Variants in SYPL1 observed in about 807,000 individuals in gnomAD.
SYPL1 encodes synaptophysin-like protein 1.
Under a neutral mutation model 23.7 loss-of-function variants are expected in SYPL1, and 6 were observed. The ratio of observed to expected loss-of-function variants is 0.25; its 90% confidence interval spans 0.14 to 0.50. SYPL1 has a LOEUF of 0.50. Among genes scored for constraint, SYPL1 ranks in the 20% least tolerant of loss-of-function variants. The pLI, the probability that SYPL1 is intolerant of heterozygous loss-of-function variation, is 0.98. For missense variants in SYPL1, 253 were observed against 288.9 expected, an observed-to-expected ratio of 0.88 and a Z score of 0.90; for synonymous variants, 102 against 104.5, an observed-to-expected ratio of 0.98 and a Z score of 0.15.
At chr7:106,094,086 G>A (rs747241338) in intron 3 of SYPL1, among the ~76,000 whole-genome samples, 2 of 152,130 alleles carry the variant, frequency 1.3e-5, no homozygotes, top group African/African-American at 2.4e-5. Context: ...CTAAACATAT[G>A]CGTACACTCA....
At chr7:106,093,243 G>GA in intron 3 of SYPL1, 106 bp from the exon 4 acceptor site, 2 of 1,064,628 alleles carry the variant, frequency 1.9e-6, no homozygotes, top group Non-Finnish European at 2.6e-6. Context: ...ATGGTGCTGA[G>GA]AAATGGCCTT....
At chr7:106,098,347 G>A (rs1158889739) in intron 2 of SYPL1, among the ~76,000 whole-genome samples, 11 of 152,218 alleles carry the variant, frequency 7.2e-5, no homozygotes, top group Middle Eastern at 6.8e-3. Context: ...ACCATAAATT[G>A]TAAAAAACTT....
At chr7:106,110,782 A>T (rs942852811) in intron 1 of SYPL1, among the ~76,000 whole-genome samples, 3 of 152,218 alleles carry the variant, frequency 2.0e-5, no homozygotes, top group Admixed American at 1.3e-4. Flanking sequence ...AAATATAAGC[A>T]CAGATATAAA....
intron 4 of SYPL1, among the ~76,000 whole-genome samples, chr7:106,092,171 A>G (rs953089698): frequency 6.6e-6 from 1 of 152,222 alleles, no homozygotes; most frequent in African/African-American, 2.4e-5. Context: ...AATCTCTAAC[A>G]TATAAAATCA....
chr7:106,101,517 G>A (rs1840320995), intron 1 of SYPL1, among the ~76,000 whole-genome samples: 1 of 133,352 alleles, frequency 7.5e-6, no homozygotes, highest in Non-Finnish European at 1.6e-5. Context: ...AAGAGTCTGA[G>A]GTAATGTCCA....
chr7:106,091,617 G>T lies in SYPL1; in HGVS notation c.*188C>A. The stretch of plus-strand genomic sequence containing the variant: ...CCCCTGAACTTTCAAATTTACATGT[G>T]AGAATACATTTACATCTTAACTTTC... On this transcript the variant is annotated 3_prime_UTR_variant, in exon 5 of 5. Coordinates refer to ENST00000455385, the MANE Select transcript of SYPL1 (RefSeq NM_182715.4). This position sits in a 1 kb window ranked among gnomAD's most constrained non-coding sequence, Gnocchi z 5.0. The T allele has an allele frequency of 1.9e-6, 1 of 521,352 alleles. No individual in the cohort carries two copies. Among genetic ancestry groups the T allele is most frequent in the Non-Finnish European group, 3.1e-6 (1 of 318,168 alleles). The allele number at this position is 521,352 out of a possible 1,614,324, so 32.3% of individuals were successfully genotyped here.
rs1840488787 is a variant in SYPL1 at position 106,104,453 on chromosome 7, C to A, written c.70-5171G>T. On this transcript the variant is annotated intron_variant, in intron 1 of 4. Transcript: ENST00000455385. This position sits in a 1 kb window ranked among gnomAD's most constrained non-coding sequence, Gnocchi z 4.1. ...TAACAAGTAGCAAATAAATGGCATA[C>A]TGCACTACAGCTTGTTGCTTTCAAG... Among the ~76,000 whole-genome samples, 1 of 152,140 alleles carries A rather than the reference C, an allele frequency of 6.6e-6. No individual in the cohort carries two copies. Among genetic ancestry groups the A allele is most frequent in the Admixed American group, 6.6e-5 (1 of 15,264 alleles).
chr7:106,108,574 C>T (rs561875838), intron 1 of SYPL1, among the ~76,000 whole-genome samples: 12 of 152,256 alleles, frequency 7.9e-5, no homozygotes, highest in African/African-American at 2.6e-4. Flanking sequence ...TACACGTTAT[C>T]ACAAATCCAG....
At position 106,097,710 on chromosome 7, in the gene SYPL1, T is replaced by C; in HGVS notation, c.382A>G (p.Ser128Gly). 1 of 1,612,762 alleles carries C rather than the reference T, an allele frequency of 6.2e-7. No individual in the cohort carries two copies. Among genetic ancestry groups the C allele is most frequent in the Non-Finnish European group, 8.5e-7 (1 of 1,179,160 alleles). The change falls in exon 3 of 5, where the codon AGT becomes GGT. Residue 128 changes from serine to glycine, a missense_variant. Coordinates refer to ENST00000455385, the MANE Select transcript of SYPL1 (RefSeq NM_182715.4). The surrounding 1 kb of genome is among the most constrained non-coding windows in gnomAD (Gnocchi z 4.6). ...CTTACTATCATAGGAAGTTTACGAC[T>C]ATCCAGATACAGACTCGTGTAGCCA... is the stretch of plus-strand genomic sequence containing the variant. ...YVGYTSLYLD[S>G]RKLPMIDFVV... is the part of the protein sequence containing the mutation.
In SYPL1 at chr7:106,097,679, T is replaced by C; in HGVS notation, c.402+11A>G. The C allele has an allele frequency of 6.3e-7, 1 of 1,586,714 alleles. No homozygotes were observed. Among genetic ancestry groups the C allele is most frequent in the Admixed American group, 1.8e-5 (1 of 55,708 alleles). ...TTATTTTTGTATTTAAAAAATAAAG[T>C]GATTACTTACTATCATAGGAAGTTT... On this transcript the variant is annotated intron_variant, in intron 3 of 4. Transcript: ENST00000455385. The surrounding 1 kb of genome is among the most constrained non-coding windows in gnomAD (Gnocchi z 4.6).
chr7:106,101,981 T>C (rs1295242424), intron 1 of SYPL1, among the ~76,000 whole-genome samples: 1 of 152,228 alleles, frequency 6.6e-6, no homozygotes. Context: ...TGGAGCCTGA[T>C]TTCCCTTCCC....
intron 1 of SYPL1, among the ~76,000 whole-genome samples, chr7:106,108,703 T>C (rs1206209000): frequency 6.6e-6 from 1 of 152,186 alleles, no homozygotes; most frequent in Non-Finnish European, 1.5e-5. Context: ...TGGTTGAGCT[T>C]TCTTCAGATT....
In SYPL1 at chr7:106,111,965, C is replaced by T. The variant is rs1018574352; in HGVS notation, c.69+175G>A. 30 of 823,362 alleles carry T rather than the reference C, an allele frequency of 3.6e-5. No individual in the cohort carries two copies. The African/African-American group carries it at 5.5e-4, about 15-fold the overall frequency. The allele number at this position is 823,362 out of a possible 1,614,324, so 51.0% of individuals were successfully genotyped here. ...CGACGCCCGCCGCGGCGTCTCCGCC[C>T]CGCGCGGCCCAGGCCGCGGCCTCCC... On this transcript the variant is annotated intron_variant, in intron 1 of 4. Coordinates refer to ENST00000455385, the MANE Select transcript of SYPL1 (RefSeq NM_182715.4).
intron 1 of SYPL1, among the ~76,000 whole-genome samples, chr7:106,102,553 G>A (rs1840385624): frequency 6.6e-6 from 1 of 152,156 alleles, no homozygotes; most frequent in Admixed American, 6.5e-5. Flanking sequence ...GAGCTTGGAA[G>A]GGGATCCTCT....
At chr7:106,111,000 T>C (rs1790116729) in intron 1 of SYPL1, among the ~76,000 whole-genome samples, 1 of 152,228 alleles carries the variant, frequency 6.6e-6, no homozygotes. Flanking sequence ...AAAAATCAAG[T>C]ATATTTATTT....
chr7:106,107,222 T>C (rs1840648281), intron 1 of SYPL1, among the ~76,000 whole-genome samples: 1 of 152,186 alleles, frequency 6.6e-6, no homozygotes, highest in Non-Finnish European at 1.5e-5. Flanking sequence ...AAAGATTAGA[T>C]GCCTAGAGCC....
chr7:106,097,714 C>G lies in SYPL1; in HGVS notation c.378G>C (p.Leu126=). ...CTATCATAGGAAGTTTACGACTATC[C>G]AGATACAGACTCGTGTAGCCAACAT... is the stretch of plus-strand genomic sequence containing the variant. ...LLYVGYTSLY[L]DSRKLPMIDF... The change falls in exon 3 of 5, where the codon CTG becomes CTC. Residue 126 remains leucine, a synonymous_variant. Transcript: ENST00000455385. This position sits in a 1 kb window ranked among gnomAD's most constrained non-coding sequence, Gnocchi z 4.6. The G allele has an allele frequency of 6.2e-7, 1 of 1,613,110 alleles. No homozygotes were observed. The highest frequency in any genetic ancestry group is 8.5e-7 in the Non-Finnish European group (1 of 1,179,448).
rs751263092 is a variant in SYPL1 at position 106,093,022 on chromosome 7, G to A, written c.518C>T (p.Pro173Leu). Residue 173 changes from proline to leucine, a missense_variant, in exon 4 of 5, where the codon CCG (proline) becomes CTG (leucine). Coordinates refer to ENST00000455385, the MANE Select transcript of SYPL1 (RefSeq NM_182715.4). ...CAGTACTGCTTTCTTCTTACAAGGC[G>A]GAAGTTCATCAATAATATTGTGACC... is the stretch of plus-strand genomic sequence containing the variant. ...ATGHNIIDEL[P>L]PCKKKAVLCY... The A allele has an allele frequency of 1.4e-5, 22 of 1,613,620 alleles. No homozygotes were observed. The Admixed American group carries it at 1.5e-4, about 11-fold the overall frequency.
At chr7:106,102,519 A>G (rs1479715362) in intron 1 of SYPL1, among the ~76,000 whole-genome samples, 1 of 152,188 alleles carries the variant, frequency 6.6e-6, no homozygotes, top group Non-Finnish European at 1.5e-5. Context: ...TGTGGAATTG[A>G]GGACTGCCAG....
Sources: allele counts gnomAD v4.1 joint callset (sites outside exome capture counted in the v4.1 genomes callset), GRCh38; gene constraint gnomAD v4.1.1; non-coding constraint Gnocchi (gnomAD v3.1); transcripts MANE v1.5; gene names NCBI Gene and HGNC (gene_info 2026-07-23, HGNC 2026-07-21).